GMDS: variants seen among roughly 807,000 people sequenced by gnomAD.
GMDS encodes the protein GDP-mannose 4,6 dehydratase.
A neutral mutation model predicts 49.9 loss-of-function variants in GMDS; 20 were observed. That is an observed-to-expected ratio of 0.40 (90% CI 0.28 to 0.58). GMDS has a LOEUF of 0.58. GMDS is among the 20% of genes least tolerant of loss of function. The probability of loss-of-function intolerance (pLI) is 0.42; values close to 1 mark genes in which losing one functional copy is unlikely to be tolerated. For missense variants in GMDS, 362 were observed against 481.4 expected, an observed-to-expected ratio of 0.75 and a Z score of 2.32; for synonymous variants, 177 against 178.6, an observed-to-expected ratio of 0.99 and a Z score of 0.07.
intron 7 of GMDS, among the ~76,000 whole-genome samples, chr6:1,854,119 T>A (rs115148278): frequency 6.6e-6 from 1 of 152,202 alleles, no homozygotes; most frequent in African/African-American, 2.4e-5. Context: ...CAGGCAAGAT[T>A]TGGTAGCAGA....
At chr6:1,744,324 G>C (rs778522639) in intron 7 of GMDS, among the ~76,000 whole-genome samples, 5 of 152,114 alleles carry the variant, frequency 3.3e-5, no homozygotes, top group Non-Finnish European at 7.4e-5. Context: ...ATTCTATAAA[G>C]TAACTGACGG....
chr6:1,960,240 T>C (rs1224389421), intron 5 of GMDS, among the ~76,000 whole-genome samples: 1 of 152,216 alleles, frequency 6.6e-6, no homozygotes, highest in Non-Finnish European at 1.5e-5. Context: ...TTTTTCTCTC[T>C]CATTCTCTCT....
chr6:2,195,970 G>A (rs1779259712), intron 1 of GMDS, among the ~76,000 whole-genome samples: 1 of 151,914 alleles, frequency 6.6e-6, no homozygotes, highest in Non-Finnish European at 1.5e-5. Flanking sequence ...ACATATATAA[G>A]TAAATAATCA....
chr6:1,994,674 T>C (rs571738474), intron 4 of GMDS, among the ~76,000 whole-genome samples: 18 of 152,036 alleles, frequency 1.2e-4, no homozygotes, highest in African/African-American at 4.1e-4. Context: ...AAAAAGGACT[T>C]TAGCAAGTAT....
At chr6:1,922,639 A>T (rs1761774602) in intron 7 of GMDS, among the ~76,000 whole-genome samples, 1 of 152,152 alleles carries the variant, frequency 6.6e-6, no homozygotes, top group Non-Finnish European at 1.5e-5. Context: ...TCTGCCTATA[A>T]AGACCCCAGA....
At chr6:1,904,487 A>C (rs2113864446) in intron 7 of GMDS, among the ~76,000 whole-genome samples, 1 of 152,342 alleles carries the variant, frequency 6.6e-6, no homozygotes, top group African/African-American at 2.4e-5. Flanking sequence ...AGACAGAATA[A>C]GTCAAAAGAA....
At chr6:1,723,727 A>C (rs9392327) in intron 9 of GMDS, among the ~76,000 whole-genome samples, 6 of 151,992 alleles carry the variant, frequency 3.9e-5, no homozygotes, top group Non-Finnish European at 8.8e-5. Flanking sequence ...TTTACAGACT[A>C]TAAGAAGAAT....
At chr6:1,625,368 G>C (rs918122316) in intron 9 of GMDS, 1 of 151,600 alleles carries the variant, frequency 6.6e-6, no homozygotes, top group Admixed American at 6.6e-5. Context: ...AGAAAATGCC[G>C]ATCTCGACCC....
At chr6:1,756,955 C>T (rs918987259) in intron 7 of GMDS, among the ~76,000 whole-genome samples, 12 of 152,132 alleles carry the variant, frequency 7.9e-5, no homozygotes, top group African/African-American at 2.9e-4. Flanking sequence ...GACTCTCCCC[C>T]TTATGGGAGG....
chr6:2,244,598 G>A (rs1390589355), intron 1 of GMDS, among the ~76,000 whole-genome samples: 1 of 152,154 alleles, frequency 6.6e-6, no homozygotes, highest in Non-Finnish European at 1.5e-5. Flanking sequence ...TGCTTAGCCT[G>A]AGACATTCCG....
At chr6:1,667,343 C>T (rs1241861856) in intron 9 of GMDS, among the ~76,000 whole-genome samples, 2 of 152,220 alleles carry the variant, frequency 1.3e-5, no homozygotes, top group Non-Finnish European at 2.9e-5. Flanking sequence ...TCATTACAGA[C>T]TGCTCTTTAT....
At chr6:2,074,191 C>A (rs903001622) in intron 4 of GMDS, among the ~76,000 whole-genome samples, 3 of 152,092 alleles carry the variant, frequency 2.0e-5, no homozygotes, top group Non-Finnish European at 2.9e-5. Flanking sequence ...TATTTTTTGC[C>A]TTTTTAATGA....
Position 2,088,750 on chromosome 6 carries a change from G to A in GMDS, c.345+27021C>T, listed in dbSNP as rs138566504. On this transcript the variant is annotated intron_variant, in intron 4 of 10. Transcript: ENST00000380815. ...CATGCCCTAAGCATGGTTTATGTTG[G>A]CACCACTCTTTCCCTATATCCCACC... Among the ~76,000 whole-genome samples the A allele has an allele frequency of 5.1e-3, 767 of 151,104 alleles. 9 individuals carry two copies. The highest frequency in any genetic ancestry group is 0.016 in the African/African-American group (678 of 41,204).
chr6:1,824,792 C>T (rs773223919), intron 7 of GMDS, among the ~76,000 whole-genome samples: 8 of 152,096 alleles, frequency 5.3e-5, no homozygotes, highest in Non-Finnish European at 1.2e-4. Context: ...TTTAAGTGCT[C>T]AATATTTTTT....
intron 4 of GMDS, among the ~76,000 whole-genome samples, chr6:2,076,294 T>C (rs1020572915): frequency 3.9e-5 from 6 of 152,208 alleles, no homozygotes; most frequent in Non-Finnish European, 7.3e-5. Flanking sequence ...TCCATGCTCA[T>C]GGGTAGGAAG....
chr6:1,757,143 AG>A (rs1767980423), intron 7 of GMDS, among the ~76,000 whole-genome samples: 1 of 152,226 alleles, frequency 6.6e-6, no homozygotes, highest in African/African-American at 2.4e-5. Flanking sequence ...TTCAGCTTGC[AG>A]TTTTTAATTA....
intron 4 of GMDS, among the ~76,000 whole-genome samples, chr6:1,999,186 G>A (rs993954625): frequency 2.6e-5 from 4 of 151,996 alleles, no homozygotes; most frequent in African/African-American, 9.7e-5. Context: ...GCAGGGCGTG[G>A]TGGTGCATGC....
At chr6:2,044,843 TA>T (rs1213023066) in intron 4 of GMDS, among the ~76,000 whole-genome samples, 1 of 152,182 alleles carries the variant, frequency 6.6e-6, no homozygotes, top group African/African-American at 2.4e-5. Context: ...AGAATTTTAT[TA>T]ATGCCTGGCA....
intron 6 of GMDS, among the ~76,000 whole-genome samples, chr6:1,955,090 T>C (rs1274731982): frequency 2.0e-5 from 3 of 149,894 alleles, no homozygotes; most frequent in South Asian, 2.2e-4. Context: ...CCTGAAAAAA[T>C]AGTACCTACA....
Sources: gnomAD v4.1 joint callset for allele counts (sites outside exome capture counted in the v4.1 genomes callset) on GRCh38, gnomAD v4.1.1 for gene constraint, MANE v1.5 for transcripts, NCBI Gene and HGNC (gene_info 2026-07-23, HGNC 2026-07-21) for gene names.